The following TMOD2 variants were observed in gnomAD, a reference collection of about 807,000 sequenced individuals.
The protein encoded by TMOD2 is tropomodulin 2, also known as tropomodulin-2.
TMOD2 carries 22 observed loss-of-function variants against 39.9 expected under a neutral mutation model. That is an observed-to-expected ratio of 0.55 (90% CI 0.39 to 0.79). The LOEUF is 0.79. TMOD2 is among the 30% of genes least tolerant of loss of function. The pLI is 0.00. For synonymous variants in TMOD2, 123 were observed against 146.1 expected (o/e 0.84, Z 1.14); for missense variants, 386 against 413.3 (o/e 0.93, Z 0.57).
At chr15:51,767,806 G>C (rs2055825914) in intron 2 of TMOD2, among the ~76,000 whole-genome samples, 1 of 152,198 alleles carries the variant, frequency 6.6e-6, no homozygotes. Context: ...GAAGGAATCT[G>C]AAAGCTTTAT....
chr15:51,768,121 C>G (rs962753803), intron 2 of TMOD2, 141 bp from the exon 3 acceptor site: 2 of 950,702 alleles, frequency 2.1e-6, no homozygotes, highest in Non-Finnish European at 3.2e-6. Context: ...TCCCAGAGCC[C>G]CCAGCCCTCA....
intron 9 of TMOD2, 58 bp from the exon 10 acceptor site, chr15:51,808,362 C>T: frequency 7.1e-7 from 1 of 1,405,612 alleles, no homozygotes; most frequent in East Asian, 2.3e-5. Context: ...TGTTGTTTAT[C>T]TGGAATTTAA....
intron 7 of TMOD2, among the ~76,000 whole-genome samples, chr15:51,785,600 T>C (rs948498281): frequency 6.6e-6 from 1 of 152,034 alleles, no homozygotes; most frequent in African/African-American, 2.4e-5. Context: ...TGTTCTCACT[T>C]ACATGTAGGA....
intron 1 of TMOD2, among the ~76,000 whole-genome samples, chr15:51,753,676 C>A (rs1298022957): frequency 6.6e-6 from 1 of 151,150 alleles, no homozygotes; most frequent in East Asian, 1.9e-4. Flanking sequence ...TTGTGGTTAC[C>A]TAGACCAGAC....
At chr15:51,777,397 A>G (rs928339676) in intron 5 of TMOD2, among the ~76,000 whole-genome samples, 8 of 152,168 alleles carry the variant, frequency 5.3e-5, no homozygotes, top group African/African-American at 1.7e-4. Flanking sequence ...CAACTATAGT[A>G]GCTTAAATAA....
intron 7 of TMOD2, among the ~76,000 whole-genome samples, chr15:51,786,778 A>G (rs1477737737): frequency 6.6e-6 from 1 of 152,230 alleles, no homozygotes; most frequent in Non-Finnish European, 1.5e-5. Context: ...TTAAAATGCT[A>G]CTGTTATTTA....
intron 1 of TMOD2, among the ~76,000 whole-genome samples, chr15:51,765,197 C>T (rs2055808436): frequency 6.6e-6 from 1 of 152,180 alleles, no homozygotes; most frequent in Non-Finnish European, 1.5e-5. Flanking sequence ...GATGGGGTTT[C>T]ACCATATTGG....
Position 51,765,769 on chromosome 15 carries a change from A to G in TMOD2, c.-69-604A>G, listed in dbSNP as rs893096362. ...TAGAATGGAAAACAAAGCAAGGAGA[A>G]AAATAGAGAGAGTGATCATGTGGCC... On this transcript the variant is annotated intron_variant, in intron 1 of 9. Coordinates refer to ENST00000249700, the MANE Select transcript of TMOD2 (RefSeq NM_014548.4). 2.6e-5 allele frequency among the ~76,000 whole-genome samples: 4 copies of G among 152,232 alleles called. No individual in the cohort carries two copies. The South Asian group carries it at 6.2e-4, about 24-fold the overall frequency.
At chr15:51,792,254 A>G (rs1444605678) in intron 7 of TMOD2, among the ~76,000 whole-genome samples, 4 of 152,238 alleles carry the variant, frequency 2.6e-5, no homozygotes, top group Non-Finnish European at 1.5e-5. Flanking sequence ...CAACAGACAT[A>G]TGAAAAAATG....
At chr15:51,761,875 C>T (rs754575019) in intron 1 of TMOD2, among the ~76,000 whole-genome samples, 2 of 152,024 alleles carry the variant, frequency 1.3e-5, no homozygotes, top group African/African-American at 4.8e-5. Context: ...TGGCCGGGCA[C>T]GGTGGCTCAT....
chr15:51,815,854 A>T lies in TMOD2; in HGVS notation c.*7400A>T, dbSNP rs1202234343. Reference sequence around the variant, plus strand: ...CCAGTTCAGATGCCTGTAATGTGTGACTTTATGTGTGTCTGTGTTGTTTTG... The same window carrying T: ...CCAGTTCAGATGCCTGTAATGTGTGTCTTTATGTGTGTCTGTGTTGTTTTG... On this transcript the variant is annotated 3_prime_UTR_variant, in exon 10 of 10. Transcript: ENST00000249700. The T allele has an allele frequency of 6.6e-6, 1 of 152,218 alleles. No individual in the cohort carries two copies. The highest frequency in any genetic ancestry group is 2.4e-5 in the African/African-American group (1 of 41,452). 9.4% of individuals were successfully genotyped at this position (152,218 alleles called of 1,614,324 possible).
At chr15:51,759,806 T>TG (rs1385906732) in intron 1 of TMOD2, among the ~76,000 whole-genome samples, 10 of 152,118 alleles carry the variant, frequency 6.6e-5, no homozygotes, top group Admixed American at 6.5e-4. Context: ...TTTACAAAGA[T>TG]GGGGGGAGGA....
intron 8 of TMOD2, among the ~76,000 whole-genome samples, chr15:51,801,449 T>C (rs1325591148): frequency 6.6e-6 from 1 of 152,180 alleles, no homozygotes; most frequent in Non-Finnish European, 1.5e-5. Flanking sequence ...AACCTCAGTT[T>C]CCTTATCTAT....
chr15:51,810,750 C>CTTTTTTTTTTTT lies in TMOD2; in HGVS notation c.*2302_*2313dup, dbSNP rs112265395. The CTTTTTTTTTTTT allele has an allele frequency of 3.6e-5, 5 of 139,290 alleles. No homozygotes were observed. Among genetic ancestry groups the CTTTTTTTTTTTT allele is most frequent in the Non-Finnish European group, 3.1e-5 (2 of 64,186 alleles). 8.6% of individuals were successfully genotyped at this position (139,290 alleles called of 1,614,324 possible). On this transcript the variant is annotated 3_prime_UTR_variant, in exon 10 of 10. Coordinates refer to ENST00000249700, the MANE Select transcript of TMOD2 (RefSeq NM_014548.4). ...CTGCCTCTCCAAGTAAGCCTTTTTC[C>CTTTTTTTTTTTT]TTTTTTTTTTTTTTTTTCTTACTCT...
rs1472440122 is a variant in TMOD2 at position 51,814,876 on chromosome 15, C to T, written c.*6422C>T. 6.6e-6 allele frequency: 1 copy of T among 152,242 alleles called. No homozygotes were observed. Among genetic ancestry groups the T allele is most frequent in the Non-Finnish European group, 1.5e-5 (1 of 68,070 alleles). The allele number at this position is 152,242 out of a possible 1,614,324, so 9.4% of individuals were successfully genotyped here. On this transcript the variant is annotated 3_prime_UTR_variant, in exon 10 of 10. Coordinates refer to ENST00000249700, the MANE Select transcript of TMOD2 (RefSeq NM_014548.4). ...TTGTTCAGAGGAGGTCTGACTATTGCACAGCCAGTTTTTTCTTCCTCTTCA... is the reference window on the plus strand; with the variant it reads ...TTGTTCAGAGGAGGTCTGACTATTGTACAGCCAGTTTTTTCTTCCTCTTCA...
chr15:51,768,194 G>A, intron 2 of TMOD2, 68 bp from the exon 3 acceptor site: 1 of 1,572,940 alleles, frequency 6.4e-7, no homozygotes, highest in Non-Finnish European at 8.7e-7. Flanking sequence ...GAGTGGGGGT[G>A]GAAGAGGAAG....
chr15:51,811,768 C>G lies in TMOD2; in HGVS notation c.*3314C>G, dbSNP rs1340709732. ...TCTCTCCCCAGTCCTCTTCCCTTGT[C>G]CTTTTTAGAATTGCTGCAGGCCCAG... On this transcript the variant is annotated 3_prime_UTR_variant, in exon 10 of 10. Transcript: ENST00000249700. 6.6e-6 allele frequency: 1 copy of G among 152,180 alleles called. No individual in the cohort carries two copies. 9.4% of individuals were successfully genotyped at this position (152,180 alleles called of 1,614,324 possible). A position where few individuals can be genotyped will look rare whatever the true frequency, so the allele number is the denominator to read the frequency against.
chr15:51,805,277 G>GA (rs534577342), intron 8 of TMOD2, among the ~76,000 whole-genome samples: 49 of 149,670 alleles, frequency 3.3e-4, no homozygotes, highest in African/African-American at 7.1e-4. Flanking sequence ...TAAAAAAAAA[G>GA]AAAAAAAAAC....
At chr15:51,776,451 T>C (rs999974386) in intron 4 of TMOD2, among the ~76,000 whole-genome samples, 13 of 152,226 alleles carry the variant, frequency 8.5e-5, no homozygotes, top group East Asian at 1.9e-4. Flanking sequence ...TGCTTTTTTT[T>C]CCCCACCCTG....
Sources: gnomAD v4.1 joint callset for allele counts (sites outside exome capture counted in the v4.1 genomes callset) on GRCh38, gnomAD v4.1.1 for gene constraint, MANE v1.5 for transcripts, NCBI Gene and HGNC (gene_info 2026-07-23, HGNC 2026-07-21) for gene names.